TRERF1: variants seen among roughly 807,000 people sequenced by gnomAD.
The protein encoded by TRERF1 is transcriptional-regulating factor 1.
Under a neutral mutation model 122.9 loss-of-function variants are expected in TRERF1, and 27 were observed. The ratio of observed to expected loss-of-function variants is 0.22; its 90% CI spans 0.16 to 0.30. The LOEUF (loss-of-function observed/expected upper bound fraction) is 0.30. Ranked by LOEUF, TRERF1 falls within the 10% of genes least tolerant of loss-of-function variation. The pLI is 1.00. For synonymous variants in TRERF1, 636 were observed against 641.7 expected, an observed-to-expected ratio of 0.99 and a Z score of 0.13; for missense variants, 1,248 against 1,560.3, an observed-to-expected ratio of 0.80 and a Z score of 3.37.
chr6:42,230,019 C>T (rs34263155), intron 17 of TRERF1, among the ~76,000 whole-genome samples: 1,861 of 152,154 alleles, frequency 0.012, 42 homozygotes, highest in African/African-American at 0.042. Context: ...TCAGAAGAAG[C>T]GTGCCCAGGT....
intron 2 of TRERF1, among the ~76,000 whole-genome samples, chr6:42,436,813 AAATAT>A (rs1166373516): frequency 4.5e-4 from 48 of 106,892 alleles, no homozygotes; most frequent in South Asian, 1.1e-3. Context: ...AAAAAAAAAA[AAATAT>A]ATATATATAT....
At chr6:42,372,165 G>A (rs1184612427) in intron 2 of TRERF1, among the ~76,000 whole-genome samples, 1 of 152,174 alleles carries the variant, frequency 6.6e-6, no homozygotes, top group Admixed American at 6.5e-5. Flanking sequence ...CTGGGTGACA[G>A]AGCAAAATTC....
In TRERF1 at chr6:42,263,128, T is replaced by G; in HGVS notation, c.1884+192A>C. On this transcript the variant is annotated intron_variant, in intron 8 of 17. Coordinates refer to ENST00000372922, the Ensembl canonical transcript of TRERF1. This position sits in a 1 kb window ranked among gnomAD's most constrained non-coding sequence, Gnocchi z 5.6. ...GTGAACAAGGGTAGGGTTCCCAATG[T>G]GGCCACGGGTTCAGCCCTGAGAGAC... 2 of 1,309,796 alleles carry G rather than the reference T, an allele frequency of 1.5e-6. No individual in the cohort carries two copies. The highest frequency in any genetic ancestry group is 1.9e-6 in the Non-Finnish European group (2 of 1,029,444). 81.1% of individuals were successfully genotyped at this position (1,309,796 alleles called of 1,614,324 possible).
At chr6:42,357,986 A>T (rs1055626573) in intron 3 of TRERF1, among the ~76,000 whole-genome samples, 52 of 152,292 alleles carry the variant, frequency 3.4e-4, no homozygotes, top group African/African-American at 1.2e-3. Flanking sequence ...TGACTGCTAC[A>T]AGTATTAATA....
chr6:42,314,845 G>A (rs980431126), intron 3 of TRERF1, among the ~76,000 whole-genome samples: 1 of 152,182 alleles, frequency 6.6e-6, no homozygotes, highest in Non-Finnish European at 1.5e-5. Context: ...AAACCAGGAG[G>A]AAAGCAGTAG....
intron 2 of TRERF1, among the ~76,000 whole-genome samples, chr6:42,388,983 C>T (rs1395077422): frequency 2.0e-5 from 3 of 152,206 alleles, no homozygotes; most frequent in Non-Finnish European, 4.4e-5. Context: ...AAAACAGCCT[C>T]TGTTACTGAA....
At chr6:42,380,828 C>G (rs771608525) in intron 2 of TRERF1, among the ~76,000 whole-genome samples, 2 of 152,218 alleles carry the variant, frequency 1.3e-5, no homozygotes, top group African/African-American at 4.8e-5. Flanking sequence ...GTTGGGCCCA[C>G]AGAGGGGCCA....
Position 42,387,794 on chromosome 6 carries a change from TTTTTATTTTA to T in TRERF1, c.-453-24725_-453-24716del, listed in dbSNP as rs539342079. On this transcript the variant is annotated intron_variant, in intron 2 of 17. Coordinates refer to ENST00000372922, the Ensembl canonical transcript of TRERF1. ...ACATCAGTAAACCAAGATGCTACCT[TTTTTATTTTA>T]TTTTATTTTATTTTATTTTTTGAGA... Among the ~76,000 whole-genome samples, 161 of 151,170 alleles carry T rather than the reference TTTTTATTTTA, an allele frequency of 1.1e-3. 2 individuals are homozygous for T. Among genetic ancestry groups the T allele is most frequent in the Non-Finnish European group, 1.8e-3 (123 of 67,920 alleles).
At chr6:42,346,726 C>T (rs1366702238) in intron 3 of TRERF1, among the ~76,000 whole-genome samples, 4 of 152,138 alleles carry the variant, frequency 2.6e-5, no homozygotes, top group Non-Finnish European at 4.4e-5. Flanking sequence ...CATACTAAAA[C>T]CAGGACAGTC....
At chr6:42,266,354 A>G (rs1393644703) in intron 5 of TRERF1, among the ~76,000 whole-genome samples, 1 of 152,008 alleles carries the variant, frequency 6.6e-6, no homozygotes, top group Non-Finnish European at 1.5e-5. Context: ...ACACCCAGCT[A>G]AATTTTTGAT....
intron 2 of TRERF1, among the ~76,000 whole-genome samples, chr6:42,436,030 A>G (rs1283967734): frequency 6.6e-6 from 1 of 152,112 alleles, no homozygotes; most frequent in African/African-American, 2.4e-5. Context: ...CCCCGTACAC[A>G]GTAGGCACTC....
chr6:42,420,415 A>G (rs1441606406), intron 2 of TRERF1, among the ~76,000 whole-genome samples: 2 of 152,186 alleles, frequency 1.3e-5, no homozygotes, highest in African/African-American at 4.8e-5. Context: ...TGGTCCACCC[A>G]GAGCTTCCCC....
chr6:42,388,268 A>C (rs1055033468), intron 2 of TRERF1, among the ~76,000 whole-genome samples: 6 of 151,638 alleles, frequency 4.0e-5, no homozygotes, highest in Non-Finnish European at 7.4e-5. Context: ...CAGTACTGGA[A>C]CAGGATGGGA....
chr6:42,415,639 A>G (rs1781724721), intron 2 of TRERF1, among the ~76,000 whole-genome samples: 1 of 152,170 alleles, frequency 6.6e-6, no homozygotes, highest in South Asian at 2.1e-4. Context: ...TACATTTGAA[A>G]TACTGCGTTT....
chr6:42,237,584 T>C (rs9471818), intron 15 of TRERF1, among the ~76,000 whole-genome samples: 4,993 of 152,332 alleles, frequency 0.033, 292 homozygotes, highest in African/African-American at 0.11. Flanking sequence ...TTGTCTCTGC[T>C]AGGCTCTCTG....
At chr6:42,379,067 C>T (rs550848705) in intron 2 of TRERF1, among the ~76,000 whole-genome samples, 1 of 152,236 alleles carries the variant, frequency 6.6e-6, no homozygotes, top group African/African-American at 2.4e-5. Flanking sequence ...CTGCAGTAAG[C>T]CGTGATGGCA....
intron 3 of TRERF1, among the ~76,000 whole-genome samples, chr6:42,354,833 T>C (rs1297945481): frequency 6.6e-6 from 1 of 152,170 alleles, no homozygotes; most frequent in Non-Finnish European, 1.5e-5. Context: ...AAAACCACTT[T>C]CAGAATTCCC....
intron 2 of TRERF1, among the ~76,000 whole-genome samples, chr6:42,371,426 T>G (rs1016847986): frequency 2.0e-5 from 3 of 151,662 alleles, no homozygotes; most frequent in Non-Finnish European, 4.4e-5. Flanking sequence ...GGTGGCAAAA[T>G]AGGAATAGAG....
intron 3 of TRERF1, among the ~76,000 whole-genome samples, chr6:42,337,045 A>T (rs113563870): frequency 4.1e-4 from 63 of 152,274 alleles, no homozygotes; most frequent in African/African-American, 1.4e-3. Context: ...TGGGGTGGGA[A>T]GAAAGGAGGC....
Sources: allele counts gnomAD v4.1 joint callset (sites outside exome capture counted in the v4.1 genomes callset), GRCh38; gene constraint gnomAD v4.1.1; non-coding constraint Gnocchi (gnomAD v3.1); transcripts MANE v1.5; gene names NCBI Gene and HGNC (gene_info 2026-07-23, HGNC 2026-07-21).